MCTP1: variants seen among roughly 807,000 people sequenced by gnomAD.
MCTP1 encodes the protein multiple C2 and transmembrane domain-containing protein 1.
Under a neutral mutation model 120.6 loss-of-function variants are expected in MCTP1, and 69 were observed. That is an observed-to-expected ratio of 0.57 (90% CI 0.47 to 0.70). The LOEUF (loss-of-function observed/expected upper bound fraction) is 0.70. Ranked by LOEUF, MCTP1 falls within the 30% of genes least tolerant of loss-of-function variation. The pLI is 0.00. For synonymous variants in MCTP1, 529 were observed against 493.1 expected (o/e 1.07, Z -0.96); for missense variants, 1,203 against 1,248.8 (o/e 0.96, Z 0.55).
chr5:95,137,991 C>T (rs1216433870), intron 1 of MCTP1, among the ~76,000 whole-genome samples: 1 of 152,120 alleles, frequency 6.6e-6, no homozygotes, highest in Non-Finnish European at 1.5e-5. Context: ...AAAAGTCCTA[C>T]AGAAAACACT....
chr5:95,069,713 T>TC (rs1389623204), intron 1 of MCTP1, among the ~76,000 whole-genome samples: 20 of 151,474 alleles, frequency 1.3e-4, no homozygotes, highest in Non-Finnish European at 2.7e-4. Context: ...TTTTTTTTTT[T>TC]TTTGAGACAA....
chr5:94,810,495 T>G (rs768080026), intron 17 of MCTP1, among the ~76,000 whole-genome samples: 2 of 152,188 alleles, frequency 1.3e-5, no homozygotes, highest in African/African-American at 4.8e-5. Flanking sequence ...TTCTCTATAC[T>G]GTGCCAGAAA....
chr5:94,713,309 G>A (rs192166841), intron 20 of MCTP1, among the ~76,000 whole-genome samples: 2 of 152,106 alleles, frequency 1.3e-5, no homozygotes, highest in East Asian at 3.9e-4. Flanking sequence ...CTTAGCATAG[G>A]AAGTTCTACA....
At chr5:94,787,718 G>A (rs1434202018) in intron 18 of MCTP1, among the ~76,000 whole-genome samples, 3 of 151,614 alleles carry the variant, frequency 2.0e-5, no homozygotes, top group Admixed American at 6.6e-5. Flanking sequence ...CTGGGTTCAC[G>A]CCATTCTCCT....
At chr5:94,921,317 T>C (rs1050823356) in intron 7 of MCTP1, among the ~76,000 whole-genome samples, 1 of 152,248 alleles carries the variant, frequency 6.6e-6, no homozygotes, top group African/African-American at 2.4e-5. Flanking sequence ...AGACTATCCC[T>C]GTACACAGTC....
Position 95,266,660 on chromosome 5 carries a change from A to G in MCTP1, c.720+17196T>C, listed in dbSNP as rs80260062. Among the ~76,000 whole-genome samples the G allele has an allele frequency of 1.1e-3, 175 of 152,332 alleles. 1 individual carries two copies. Among genetic ancestry groups the G allele is most frequent in the African/African-American group, 4.0e-3 (166 of 41,570 alleles). On this transcript the variant is annotated intron_variant, in intron 1 of 22. Coordinates refer to ENST00000515393, the MANE Select transcript of MCTP1 (RefSeq NM_024717.7). ...CATGGCTTCTGTCATGAAAATTTTTACTAGATGCTATTTCCTAGTCCAGAT... is the reference window on the plus strand; with the variant it reads ...CATGGCTTCTGTCATGAAAATTTTTGCTAGATGCTATTTCCTAGTCCAGAT...
chr5:94,825,012 G>A (rs1210232605), intron 17 of MCTP1, among the ~76,000 whole-genome samples: 2 of 152,106 alleles, frequency 1.3e-5, no homozygotes, highest in African/African-American at 4.8e-5. Flanking sequence ...TGATTGTTTT[G>A]AAGGGTTTTT....
intron 2 of MCTP1, among the ~76,000 whole-genome samples, chr5:95,006,241 A>G (rs1327172709): frequency 6.6e-6 from 1 of 152,044 alleles, no homozygotes; most frequent in African/African-American, 2.4e-5. Context: ...TTATATATGT[A>G]TATACACACA....
chr5:95,149,441 C>T (rs553108322), intron 1 of MCTP1, among the ~76,000 whole-genome samples: 78 of 152,202 alleles, frequency 5.1e-4, no homozygotes, highest in African/African-American at 8.2e-4. Flanking sequence ...TGGGAAAATA[C>T]GGAGCTGTGC....
At chr5:95,238,628 C>T (rs1562266790) in intron 1 of MCTP1, among the ~76,000 whole-genome samples, 1 of 152,180 alleles carries the variant, frequency 6.6e-6, no homozygotes, top group Non-Finnish European at 1.5e-5. Flanking sequence ...AAAAGCAGAA[C>T]TGCCGTCACA....
chr5:94,967,605 G>A (rs552136663), intron 2 of MCTP1, among the ~76,000 whole-genome samples: 3 of 152,220 alleles, frequency 2.0e-5, no homozygotes, highest in Non-Finnish European at 4.4e-5. Flanking sequence ...GAAGAGTTAA[G>A]TTAAAATTCA....
intron 12 of MCTP1, among the ~76,000 whole-genome samples, chr5:94,876,906 C>T (rs1798995897): frequency 6.6e-6 from 1 of 152,008 alleles, no homozygotes; most frequent in Admixed American, 6.6e-5. Context: ...CTGCTCTGCT[C>T]ACCCCAGAAT....
chr5:94,812,951 C>T (rs1284613551), intron 17 of MCTP1, among the ~76,000 whole-genome samples: 3 of 150,758 alleles, frequency 2.0e-5, no homozygotes, highest in Non-Finnish European at 4.4e-5. Context: ...TGTGTGCGTG[C>T]GTGTATATAT....
At chr5:95,063,891 A>G (rs757310855) in intron 1 of MCTP1, among the ~76,000 whole-genome samples, 4 of 152,188 alleles carry the variant, frequency 2.6e-5, no homozygotes, top group Admixed American at 6.5e-5. Context: ...TTGTTACCTC[A>G]GCCCAATTAT....
chr5:95,118,121 C>A (rs1757953143), intron 1 of MCTP1, among the ~76,000 whole-genome samples: 2 of 152,296 alleles, frequency 1.3e-5, no homozygotes, highest in Admixed American at 1.3e-4. Context: ...ACCTCCATGG[C>A]ACACATTTAC....
chr5:95,194,969 G>A (rs1174839885), intron 1 of MCTP1, among the ~76,000 whole-genome samples: 1 of 152,200 alleles, frequency 6.6e-6, no homozygotes, highest in East Asian at 1.9e-4. Context: ...CTGCTGGAAA[G>A]CTTTCAGAGA....
intron 1 of MCTP1, among the ~76,000 whole-genome samples, chr5:95,096,681 T>G (rs1562140144): frequency 6.6e-6 from 1 of 152,190 alleles, no homozygotes; most frequent in Non-Finnish European, 1.5e-5. Context: ...TTTAGCATCT[T>G]ACAGAGCTAC....
chr5:94,867,860 A>G (rs1485831383), intron 17 of MCTP1: 1 of 158,294 alleles, frequency 6.3e-6, no homozygotes, highest in African/African-American at 2.4e-5. Flanking sequence ...GGTCACATCC[A>G]CTTCCAGTTG....
chr5:94,828,087 T>C (rs1010980539), intron 17 of MCTP1, among the ~76,000 whole-genome samples: 6 of 152,212 alleles, frequency 3.9e-5, no homozygotes, highest in African/African-American at 1.4e-4. Flanking sequence ...TTTCCTCATC[T>C]TCATGGACTT....
Sources: allele counts gnomAD v4.1 joint callset (sites outside exome capture counted in the v4.1 genomes callset), GRCh38; gene constraint gnomAD v4.1.1; transcripts MANE v1.5; gene names NCBI Gene and HGNC (gene_info 2026-07-23, HGNC 2026-07-21).